CLDN2: variants seen among roughly 807,000 people sequenced by gnomAD.
The protein encoded by CLDN2 is claudin 2.
A neutral mutation model predicts 8.2 loss-of-function variants in CLDN2; 1 was observed. That is an observed-to-expected ratio of 0.12 (90% CI 0.04 to 0.58). The LOEUF (loss-of-function observed/expected upper bound fraction) is 0.58. CLDN2 is among the 20% of genes least tolerant of loss of function. The pLI, the probability that CLDN2 is intolerant of heterozygous loss-of-function variation, is 0.90. For missense variants in CLDN2, 108 were observed against 172.9 expected, an observed-to-expected ratio of 0.62 and a Z score of 2.11; for synonymous variants, 70 against 70.2, an observed-to-expected ratio of 1.00 and a Z score of 0.01.
intron 1 of CLDN2, among the ~76,000 whole-genome samples, chrX:106,906,373 A>C (rs1481733359): frequency 9.0e-6 from 1 of 111,057 alleles, no homozygotes; most frequent in Non-Finnish European, 1.9e-5. Context: ...AGACCCGCAG[A>C]GAGAAGACAG....
intron 1 of CLDN2, 103 bp from the exon 2 acceptor site, chrX:106,927,948 T>C (rs1287731615): frequency 5.7e-5 from 10 of 176,243 alleles, no homozygotes; most frequent in Middle Eastern, 1.8e-3. Context: ...TCCTTTCTCA[T>C]GTGTTATTTC....
chrX:106,901,407 A>G, intron 1 of CLDN2: 1 of 1,011,310 alleles, frequency 9.9e-7, no homozygotes, highest in East Asian at 3.1e-5. Flanking sequence ...GCTTCACAAG[A>G]CCTTTGTGAA....
intron 1 of CLDN2, among the ~76,000 whole-genome samples, chrX:106,905,654 T>C (rs1225311270): frequency 9.0e-6 from 1 of 111,450 alleles, no homozygotes; most frequent in Non-Finnish European, 1.9e-5. Context: ...AAGGATCTTT[T>C]CCACCTGTAA....
chrX:106,925,016 G>A (rs1157150282), intron 1 of CLDN2, among the ~76,000 whole-genome samples: 1 of 111,055 alleles, frequency 9.0e-6, no homozygotes, highest in East Asian at 2.8e-4. Flanking sequence ...GAGATACAGA[G>A]ATACATAAGA....
chrX:106,923,953 A>G (rs1933430931), intron 1 of CLDN2, among the ~76,000 whole-genome samples: 1 of 111,680 alleles, frequency 9.0e-6, no homozygotes, highest in Admixed American at 9.6e-5. Context: ...GAGCAGAAGA[A>G]GAGGAACTTA....
In CLDN2 at chrX:106,929,959, C is replaced by T. The variant is rs1933526247; in HGVS notation, c.*1038C>T. The stretch of plus-strand genomic sequence containing the variant: ...GGAAGACACCATTCCTTGACGGTGT[C>T]TAAGAAGCCAGGTGGATGTGTGTGG... On this transcript the variant is annotated 3_prime_UTR_variant, in exon 2 of 2. Coordinates refer to ENST00000336803, the MANE Select transcript of CLDN2 (RefSeq NM_020384.4). The T allele has an allele frequency of 8.1e-6, 1 of 123,318 alleles. No individual in the cohort carries two copies. The highest frequency in any genetic ancestry group is 9.5e-5 in the Admixed American group (1 of 10,576). The allele number at this position is 123,318 out of a possible 1,213,427, so 10.2% of individuals were successfully genotyped here.
At chrX:106,925,659 A>G (rs1331260109) in intron 1 of CLDN2, among the ~76,000 whole-genome samples, 1 of 112,455 alleles carries the variant, frequency 8.9e-6, no homozygotes, top group Non-Finnish European at 1.9e-5. Flanking sequence ...AATGATGTGG[A>G]GAATGAATTG....
chrX:106,903,008 G>A (rs369373610), intron 1 of CLDN2: 3 of 688,496 alleles, frequency 4.4e-6, no homozygotes. Context: ...TGAGGAGGGA[G>A]GGCTATGAGG....
chrX:106,910,203 AAGTAAGCAAACGATACTAGT>A (rs1459848574), intron 1 of CLDN2, among the ~76,000 whole-genome samples: 2 of 110,983 alleles, frequency 1.8e-5, no homozygotes, highest in Non-Finnish European at 3.8e-5. Context: ...GATCCTGGCT[AAGTAAGCAAACGATACTAGT>A]AACTAGTGGC....
At chrX:106,923,535 C>G (rs1933423926) in intron 1 of CLDN2, among the ~76,000 whole-genome samples, 1 of 111,407 alleles carries the variant, frequency 9.0e-6, no homozygotes, top group Non-Finnish European at 1.9e-5. Flanking sequence ...GAAGGCAGAC[C>G]TGATGGTACA....
chrX:106,925,509 T>C (rs1055259742), intron 1 of CLDN2, among the ~76,000 whole-genome samples: 1 of 112,260 alleles, frequency 8.9e-6, no homozygotes, highest in African/African-American at 3.2e-5. Flanking sequence ...AGGAGGGAAA[T>C]GGCAAGAGAT....
intron 1 of CLDN2, among the ~76,000 whole-genome samples, chrX:106,909,421 C>T (rs934702463): frequency 8.1e-5 from 9 of 111,180 alleles, no homozygotes; most frequent in Admixed American, 2.9e-4. Flanking sequence ...CCTAGGCCAG[C>T]GGGCAACAGA....
rs748782133 is a variant in CLDN2, at chrX:106,903,149, C to T, written c.-179+2645C>T. 3.3e-6 allele frequency: 4 copies of T among 1,210,026 alleles called. No homozygotes were observed. The African/African-American group carries it at 7.0e-5, about 21-fold the overall frequency. The stretch of plus-strand genomic sequence containing the variant: ...TCAACTTACCTTTCACTCCCATTTA[C>T]TTCTTGTCCAGAGGAGAGAAGGCAA... On this transcript the variant is annotated intron_variant, in intron 1 of 1. Coordinates refer to the CLDN2 transcript ENST00000541806.
intron 1 of CLDN2, among the ~76,000 whole-genome samples, chrX:106,907,755 T>C (rs1191814837): frequency 2.8e-5 from 3 of 108,409 alleles, no homozygotes; most frequent in African/African-American, 1.0e-4. Flanking sequence ...AATAAAGGAC[T>C]CTCCTTCGTT....
chrX:106,903,059 C>T (rs1933128372), intron 1 of CLDN2: 2 of 1,112,510 alleles, frequency 1.8e-6, no homozygotes, highest in Non-Finnish European at 2.5e-6. Flanking sequence ...GTGCCCTGGA[C>T]ATCTCATTTT....
At chrX:106,914,179 G>A (rs925774067), upstream of CLDN2, among the ~76,000 whole-genome samples, 74 of 109,423 alleles carry the variant, frequency 6.8e-4, 2 homozygotes, top group Admixed American at 5.6e-3. Flanking sequence ...TCAAACTCCT[G>A]AGCTCAGGTG....
At chrX:106,900,627 A>G (rs1193356261) in intron 1 of CLDN2, 42 of 1,059,048 alleles carry the variant, frequency 4.0e-5, no homozygotes, top group Non-Finnish European at 5.2e-5. Flanking sequence ...CTGAACCCCA[A>G]TCAGACTCTG....
At chrX:106,910,907 G>A (rs1933240443) in intron 1 of CLDN2, among the ~76,000 whole-genome samples, 1 of 111,801 alleles carries the variant, frequency 8.9e-6, no homozygotes, top group South Asian at 3.7e-4. Flanking sequence ...CTTGGGTGTG[G>A]GGGAAAAATA....
Position 106,930,678 on chromosome X carries a change from T to C in CLDN2, c.*1757T>C, listed in dbSNP as rs934938927. 1.6e-5 allele frequency: 2 copies of C among 122,786 alleles called. No individual in the cohort carries two copies. The highest frequency in any genetic ancestry group is 6.5e-5 in the African/African-American group (2 of 30,637). 10.1% of individuals were successfully genotyped at this position (122,786 alleles called of 1,213,427 possible). On this transcript the variant is annotated 3_prime_UTR_variant, in exon 2 of 2. Coordinates refer to ENST00000336803, the MANE Select transcript of CLDN2 (RefSeq NM_020384.4). The stretch of plus-strand genomic sequence containing the variant: ...CCCAACCCTCAATGTATAAATTGCT[T>C]CTTGATGCTTAGCATTCACAATTTT...
Sources: gnomAD v4.1 joint callset for allele counts (sites outside exome capture counted in the v4.1 genomes callset) on GRCh38, gnomAD v4.1.1 for gene constraint, MANE v1.5 for transcripts, NCBI Gene and HGNC (gene_info 2026-07-23, HGNC 2026-07-21) for gene names.